The following ANO6 variants were observed in gnomAD, a reference collection of about 807,000 sequenced individuals.
The protein encoded by ANO6 is anoctamin 6.
Under a neutral mutation model 117.5 loss-of-function variants are expected in ANO6, and 106 were observed. The observed-to-expected ratio is 0.90, with a 90% confidence interval of 0.77 to 1.06. The LOEUF is 1.06. Ranked by LOEUF, ANO6 falls within the 50% of genes least tolerant of loss-of-function variation. The probability of loss-of-function intolerance (pLI) is 0.00; values close to 1 mark genes in which losing one functional copy is unlikely to be tolerated. For synonymous variants in ANO6, 367 were observed against 385.1 expected, an observed-to-expected ratio of 0.95 and a Z score of 0.55; for missense variants, 955 against 1,121.1, an observed-to-expected ratio of 0.85 and a Z score of 2.12.
chr12:45,275,574 T>C (rs1259141421), intron 1 of ANO6, among the ~76,000 whole-genome samples: 1 of 152,208 alleles, frequency 6.6e-6, no homozygotes, highest in African/African-American at 2.4e-5. Flanking sequence ...TCTTCATTAC[T>C]CATTTATTTT....
intron 10 of ANO6, among the ~76,000 whole-genome samples, chr12:45,386,220 C>T (rs1942294512): frequency 6.6e-6 from 1 of 152,164 alleles, no homozygotes; most frequent in African/African-American, 2.4e-5. Context: ...TACCCTGCAT[C>T]TCATTTAATG....
chr12:45,315,636 A>G (rs1193692417), intron 2 of ANO6, among the ~76,000 whole-genome samples: 1 of 151,966 alleles, frequency 6.6e-6, no homozygotes, highest in Non-Finnish European at 1.5e-5. Context: ...CTCTGTGTTG[A>G]CAACTCCCAA....
At chr12:45,221,323 A>G (rs1947395700) in intron 1 of ANO6, among the ~76,000 whole-genome samples, 1 of 152,332 alleles carries the variant, frequency 6.6e-6, no homozygotes, top group Non-Finnish European at 1.5e-5. Context: ...AAAGGTACAT[A>G]TAAAACTGAA....
At chr12:45,385,579 A>G (rs1467525278) in intron 10 of ANO6, among the ~76,000 whole-genome samples, 1 of 152,090 alleles carries the variant, frequency 6.6e-6, no homozygotes, top group Non-Finnish European at 1.5e-5. Flanking sequence ...TTTGGGGAGT[A>G]TCTGCCACCT....
intron 1 of ANO6, among the ~76,000 whole-genome samples, chr12:45,285,449 A>G (rs1165317270): frequency 6.6e-6 from 1 of 152,264 alleles, no homozygotes; most frequent in Non-Finnish European, 1.5e-5. Context: ...TGCTGCAGTA[A>G]AAAGGCTACC....
At chr12:45,299,711 AGGT>A (rs1939416611) in intron 1 of ANO6, among the ~76,000 whole-genome samples, 2 of 151,968 alleles carry the variant, frequency 1.3e-5, no homozygotes, top group Admixed American at 1.3e-4. Flanking sequence ...AAAACTAGCC[AGGT>A]GTAGTGGCAC....
intron 2 of ANO6, among the ~76,000 whole-genome samples, chr12:45,321,486 A>G (rs534078504): frequency 1.3e-4 from 20 of 152,298 alleles, no homozygotes; most frequent in Middle Eastern, 3.4e-3. Context: ...ATGTGTTAAC[A>G]TTACCTTCAG....
chr12:45,354,924 C>T (rs1941372433), intron 7 of ANO6, among the ~76,000 whole-genome samples: 1 of 152,100 alleles, frequency 6.6e-6, no homozygotes, highest in African/African-American at 2.4e-5. Context: ...TGAAAGAGAG[C>T]TTAATCCACA....
intron 1 of ANO6, among the ~76,000 whole-genome samples, chr12:45,246,517 A>G (rs756284934): frequency 6.6e-6 from 1 of 152,168 alleles, no homozygotes; most frequent in Admixed American, 6.5e-5. Context: ...AGCCTGTGAT[A>G]ATATAGGGAC....
At chr12:45,247,600 C>A (rs1947844720) in intron 1 of ANO6, among the ~76,000 whole-genome samples, 1 of 152,200 alleles carries the variant, frequency 6.6e-6, no homozygotes, top group Admixed American at 6.5e-5. Context: ...CAGAAATTTT[C>A]TCATGGTTCT....
At chr12:45,407,658 C>A (rs1047926315) in intron 15 of ANO6, among the ~76,000 whole-genome samples, 2 of 152,020 alleles carry the variant, frequency 1.3e-5, no homozygotes, top group Non-Finnish European at 2.9e-5. Context: ...CAAGAGTCTA[C>A]GTAATATAGG....
intron 1 of ANO6, among the ~76,000 whole-genome samples, chr12:45,243,180 G>A (rs960234412): frequency 1.3e-5 from 2 of 152,140 alleles, no homozygotes; most frequent in Non-Finnish European, 2.9e-5. Flanking sequence ...TTAGCCAGGT[G>A]TGGTGGCATG....
chr12:45,335,859 T>C (rs1443969751), intron 3 of ANO6, among the ~76,000 whole-genome samples: 1 of 152,054 alleles, frequency 6.6e-6, no homozygotes, highest in Non-Finnish European at 1.5e-5. Flanking sequence ...CTGTGAGTGC[T>C]AAGAACCTTG....
intron 18 of ANO6, among the ~76,000 whole-genome samples, chr12:45,422,131 T>G (rs1943381088): frequency 6.6e-6 from 1 of 152,204 alleles, no homozygotes; most frequent in African/African-American, 2.4e-5. Flanking sequence ...TAAACTCTTC[T>G]AGGTTTAATA....
chr12:45,248,947 G>A (rs1947863990), intron 1 of ANO6, among the ~76,000 whole-genome samples: 1 of 152,098 alleles, frequency 6.6e-6, no homozygotes, highest in South Asian at 2.1e-4. Flanking sequence ...ATTTTTTGAT[G>A]AATCTGCTGT....
At chr12:45,239,089 T>C (rs1425374725) in intron 1 of ANO6, among the ~76,000 whole-genome samples, 2 of 152,232 alleles carry the variant, frequency 1.3e-5, no homozygotes, top group Non-Finnish European at 2.9e-5. Flanking sequence ...TCTTTTTCTA[T>C]TGATTGGAAT....
chr12:45,358,162 G>A lies in ANO6; in HGVS notation c.998+738G>A, dbSNP rs116728639. Among the ~76,000 whole-genome samples the A allele has an allele frequency of 9.4e-3, 1,427 of 152,300 alleles. 26 individuals are homozygous for A. Among genetic ancestry groups the A allele is most frequent in the African/African-American group, 0.032 (1,344 of 41,552 alleles). On this transcript the variant is annotated intron_variant, in intron 8 of 19. Coordinates refer to ENST00000320560, the MANE Select transcript of ANO6 (RefSeq NM_001025356.3). The stretch of plus-strand genomic sequence containing the variant: ...ATCTGGCTGCTATCCAGGTGTGCCA[G>A]CCAGATAAAAATTTCTGGGCACCAG...
Position 45,315,846 on chromosome 12 carries a change from C to G in ANO6, c.150+13753C>G, listed in dbSNP as rs1050587366. On this transcript the variant is annotated intron_variant, in intron 2 of 19. Coordinates refer to ENST00000320560, the MANE Select transcript of ANO6 (RefSeq NM_001025356.3). ...ACACCCTGTTGATAACTGAGGCTCT[C>G]TCACCCCCGTCCAGTTAATCACCAG... 8.6e-5 allele frequency among the ~76,000 whole-genome samples: 13 copies of G among 152,046 alleles called. No individual in the cohort carries two copies. The East Asian group carries it at 2.3e-3, about 27-fold the overall frequency.
intron 1 of ANO6, chr12:45,270,487 T>G: frequency 6.9e-7 from 1 of 1,453,674 alleles, no homozygotes; most frequent in East Asian, 2.5e-5. Context: ...CCAGGAGGCC[T>G]TTTCTGACTC....
Sources: allele counts gnomAD v4.1 joint callset (sites outside exome capture counted in the v4.1 genomes callset), GRCh38; gene constraint gnomAD v4.1.1; transcripts MANE v1.5; gene names NCBI Gene and HGNC (gene_info 2026-07-23, HGNC 2026-07-21).